DLGAP2: variants seen among roughly 807,000 people sequenced by gnomAD.
DLGAP2 encodes DLG associated protein 2.
In DLGAP2, 26 loss-of-function variants were observed where a neutral mutation model predicts 100.3. The ratio of observed to expected loss-of-function variants is 0.26; its 90% CI spans 0.19 to 0.36. The LOEUF (loss-of-function observed/expected upper bound fraction) is 0.36. DLGAP2 is among the 10% of genes least tolerant of loss of function. The pLI, the probability that DLGAP2 is intolerant of heterozygous loss-of-function variation, is 1.00. For missense variants in DLGAP2, 1,858 were observed against 1,453.2 expected (o/e 1.28, Z -4.53); for synonymous variants, 886 against 630.1 (o/e 1.41, Z -6.08).
At chr8:1,506,598 G>A (rs761293989) in intron 4 of DLGAP2, among the ~76,000 whole-genome samples, 3 of 151,690 alleles carry the variant, frequency 2.0e-5, no homozygotes, top group Admixed American at 6.6e-5. Context: ...TGCCCAAGAC[G>A]ATCTCAGCAG....
intron 3 of DLGAP2, among the ~76,000 whole-genome samples, chr8:1,336,799 C>T (rs916088256): frequency 3.3e-5 from 5 of 152,076 alleles, no homozygotes; most frequent in African/African-American, 1.2e-4. Context: ...TACTTAAGAG[C>T]TGTTGTTCAT....
At chr8:1,389,852 G>T (rs1006204621) in intron 3 of DLGAP2, among the ~76,000 whole-genome samples, 3 of 152,068 alleles carry the variant, frequency 2.0e-5, no homozygotes, top group Admixed American at 6.5e-5. Flanking sequence ...ACCCAGATCT[G>T]CCTTTTCATG....
intron 2 of DLGAP2, among the ~76,000 whole-genome samples, chr8:1,184,518 G>C (rs1293160983): frequency 6.6e-6 from 1 of 152,206 alleles, no homozygotes; most frequent in Non-Finnish European, 1.5e-5. Flanking sequence ...GCTGTTCTCA[G>C]GGCAGTTGGA....
Position 1,548,638 on chromosome 8 carries a change from C to T in DLGAP2, c.185C>T (p.Ser62Leu). 2 of 1,547,932 alleles carry T rather than the reference C, an allele frequency of 1.3e-6. No homozygotes were observed. Among genetic ancestry groups the T allele is most frequent in the Non-Finnish European group, 1.7e-6 (2 of 1,148,508 alleles). Residue 62 changes from serine to leucine, a missense_variant, in exon 5 of 15, where the codon TCA (serine) becomes TTA (leucine). Ser to Leu is a moderately radical substitution (Grantham distance 145). Coordinates refer to ENST00000637795, the MANE Select transcript of DLGAP2 (RefSeq NM_001346810.2). ...TGTTTCCCCACAGACCCGCAGTACT[C>T]ATGGTCGCCCACGCAGCACTTCAAT... is the stretch of plus-strand genomic sequence containing the variant. The part of the protein sequence containing the change: ...PAEEDLDPQY[S>L]WSPTQHFNEE...
intron 2 of DLGAP2, among the ~76,000 whole-genome samples, chr8:1,092,125 C>A (rs963235350): frequency 2.6e-5 from 4 of 152,184 alleles, no homozygotes; most frequent in Non-Finnish European, 4.4e-5. Flanking sequence ...CGGTGTCTGC[C>A]CCTTCATACC....
intron 3 of DLGAP2, among the ~76,000 whole-genome samples, chr8:1,349,037 C>T (rs1480301117): frequency 6.6e-6 from 1 of 151,704 alleles, no homozygotes; most frequent in Non-Finnish European, 1.5e-5. Flanking sequence ...AAATTAGCTG[C>T]AGGGTGGAGA....
At chr8:1,456,325 G>C (rs888462182) in intron 3 of DLGAP2, among the ~76,000 whole-genome samples, 2 of 152,156 alleles carry the variant, frequency 1.3e-5, no homozygotes, top group Non-Finnish European at 2.9e-5. Flanking sequence ...CACCCTGTAC[G>C]TATTCATCAC....
chr8:1,356,787 C>CA, intron 3 of DLGAP2, among the ~76,000 whole-genome samples: 1 of 152,094 alleles, frequency 6.6e-6, no homozygotes, highest in East Asian at 1.9e-4. Context: ...CCATGACAGT[C>CA]AGTGAATGAG....
At position 1,117,870 on chromosome 8, in the gene DLGAP2, GT is replaced by G. The variant is rs555038955; in HGVS notation, c.74-140970del. ...CTGGTTCACAGTTAGGCTTTTGAAA[GT>G]TTTTTTTTTTCCTTTAAGAAAATCA... On this transcript the variant is annotated intron_variant, in intron 2 of 14. Coordinates refer to ENST00000637795, the MANE Select transcript of DLGAP2 (RefSeq NM_001346810.2). 7.5e-4 allele frequency among the ~76,000 whole-genome samples: 111 copies of G among 148,256 alleles called. 1 individual carries two copies. In the South Asian group the frequency reaches 0.01, roughly 13 times the overall value.
intron 2 of DLGAP2, among the ~76,000 whole-genome samples, chr8:1,176,137 C>T (rs1020579700): frequency 1.3e-5 from 2 of 152,124 alleles, no homozygotes; most frequent in South Asian, 2.1e-4. Flanking sequence ...GGAGAGGCCT[C>T]AGGAAACTTA....
At chr8:1,639,363 AGGCT>A (rs1797843496) in intron 8 of DLGAP2, among the ~76,000 whole-genome samples, 1 of 152,154 alleles carries the variant, frequency 6.6e-6, no homozygotes, top group African/African-American at 2.4e-5. Context: ...GTGGGAACAG[AGGCT>A]GTCCCTGGGT....
chr8:1,238,743 T>C (rs2116853172), intron 2 of DLGAP2, among the ~76,000 whole-genome samples: 1 of 85,984 alleles, frequency 1.2e-5, no homozygotes, highest in African/African-American at 4.4e-5. Context: ...TGGCGCCATG[T>C]CTAGTTCTCT....
intron 3 of DLGAP2, among the ~76,000 whole-genome samples, chr8:1,410,350 C>T (rs1379629876): frequency 6.6e-6 from 1 of 152,204 alleles, no homozygotes; most frequent in Non-Finnish European, 1.5e-5. Flanking sequence ...CAGGCAGCCT[C>T]ACGGTGAGGA....
intron 2 of DLGAP2, among the ~76,000 whole-genome samples, chr8:1,242,508 C>T (rs1036295649): frequency 2.0e-5 from 3 of 152,202 alleles, no homozygotes; most frequent in Admixed American, 6.5e-5. Context: ...GCACCAACCC[C>T]GCCCACTTCC....
At chr8:829,086 A>G (rs1796734858) in intron 1 of DLGAP2, among the ~76,000 whole-genome samples, 1 of 152,130 alleles carries the variant, frequency 6.6e-6, no homozygotes, top group Admixed American at 6.5e-5. Context: ...ATTTGGTTTC[A>G]TTGTTTATGA....
In DLGAP2 at chr8:983,533, A is replaced by G. The variant is rs532430404; in HGVS notation, c.73+75567A>G. ...GTTCTTCTGTTCAAATTCCACCTTC[A>G]TCGTACATACCCTGGATATGTCACG... On this transcript the variant is annotated intron_variant, in intron 2 of 14. Transcript: ENST00000637795. 4.5e-3 allele frequency among the ~76,000 whole-genome samples: 686 copies of G among 152,352 alleles called. 14 individuals carry two copies. In the South Asian group the frequency reaches 0.052, roughly 12 times the overall value.
chr8:1,208,235 T>C (rs1185130021), intron 2 of DLGAP2, among the ~76,000 whole-genome samples: 2 of 152,240 alleles, frequency 1.3e-5, no homozygotes, highest in African/African-American at 2.4e-5. Context: ...GGGTTGATTC[T>C]TGTATAAGGT....
intron 2 of DLGAP2, among the ~76,000 whole-genome samples, chr8:932,872 G>T (rs1313694623): frequency 6.6e-6 from 1 of 152,154 alleles, no homozygotes. Context: ...GTTTGAAAAA[G>T]ATCAGTCAGC....
chr8:1,681,911 G>A (rs984939151), intron 12 of DLGAP2, among the ~76,000 whole-genome samples: 1 of 148,074 alleles, frequency 6.8e-6, no homozygotes, highest in Middle Eastern at 3.4e-3. Context: ...TCTGGGACTG[G>A]GAGTCACGGC....
Sources: allele counts gnomAD v4.1 joint callset (sites outside exome capture counted in the v4.1 genomes callset), GRCh38; gene constraint gnomAD v4.1.1; transcripts MANE v1.5; gene names NCBI Gene and HGNC (gene_info 2026-07-23, HGNC 2026-07-21).